The following MGAM variants were observed in gnomAD, a reference collection of about 807,000 sequenced individuals.
MGAM encodes maltase-glucoamylase.
Under a neutral mutation model 358.8 loss-of-function variants are expected in MGAM, and 253 were observed. The ratio of observed to expected loss-of-function variants is 0.71; its 90% CI spans 0.64 to 0.78. MGAM has a LOEUF of 0.78. Ranked by LOEUF, MGAM falls within the 30% of genes least tolerant of loss-of-function variation. The pLI is 0.00. For missense variants in MGAM, 3,080 were observed against 3,432.6 expected (o/e 0.90, Z 2.57); for synonymous variants, 1,105 against 1,227.1 (o/e 0.90, Z 2.08).
At chr7:142,103,094 T>C (rs1391860843) in intron 69 of MGAM, among the ~76,000 whole-genome samples, 175 bp from the exon 70 acceptor site, 1 of 152,152 alleles carries the variant, frequency 6.6e-6, no homozygotes, top group Non-Finnish European at 1.5e-5. Flanking sequence ...GCAAAGTGGA[T>C]GGGAGTTGGC....
intron 3 of MGAM, among the ~76,000 whole-genome samples, chr7:142,010,234 A>T (rs569802482): frequency 6.6e-6 from 1 of 152,170 alleles, no homozygotes; most frequent in African/African-American, 2.4e-5. Context: ...GGATCTTAGA[A>T]AAAAAGATCA....
rs539837534 is a variant in MGAM, at chr7:142,037,574, G to A, written c.2231+597G>A. ...ATATGAGGCCCTCAGGCACGTATCA[G>A]GCTATTATATATTCATTATTTTGGG... On this transcript the variant is annotated intron_variant, in intron 18 of 70. Transcript: ENST00000475668. 6.6e-5 allele frequency among the ~76,000 whole-genome samples: 10 copies of A among 152,194 alleles called. No individual in the cohort carries two copies. The South Asian group carries it at 2.1e-3, about 32-fold the overall frequency.
chr7:142,078,478 T>A lies in MGAM; in HGVS notation c.5646+8T>A. 5 of 1,539,094 alleles carry A rather than the reference T, an allele frequency of 3.2e-6. 1 individual carries two copies. The highest frequency in any genetic ancestry group is 4.5e-6 in the Non-Finnish European group (5 of 1,123,514). On this transcript the variant is annotated splice_region_variant and intron_variant, in intron 48 of 70. Transcript: ENST00000475668. ...CGTGGCTGTATCTGGGAGGTAACCA[T>A]GCTGATGGGGTTCATGTGCATGAAA...
chr7:142,010,113 G>A (rs1805488843), intron 3 of MGAM, among the ~76,000 whole-genome samples: 2 of 152,112 alleles, frequency 1.3e-5, no homozygotes, highest in South Asian at 2.1e-4. Flanking sequence ...AGTTATGAGA[G>A]GGAATCCTTT....
intron 49 of MGAM, among the ~76,000 whole-genome samples, chr7:142,080,140 C>T (rs1440764868): frequency 2.7e-5 from 4 of 146,648 alleles, no homozygotes; most frequent in Non-Finnish European, 6.2e-5. Context: ...TCCTGGGAGA[C>T]CATCTCAGTC....
At chr7:142,043,909 C>G (rs1468607251) in intron 21 of MGAM, among the ~76,000 whole-genome samples, 1 of 112,260 alleles carries the variant, frequency 8.9e-6, no homozygotes, top group Non-Finnish European at 1.8e-5. Flanking sequence ...TATACACATA[C>G]GACGTATAAT....
chr7:142,067,939 T>TATATATATATATATATATATAA (rs1812912636), intron 42 of MGAM, among the ~76,000 whole-genome samples: 3 of 36,164 alleles, frequency 8.3e-5, no homozygotes, highest in African/African-American at 2.5e-4. Flanking sequence ...CCCTCAAATA[T>TATATATATATATATATATATAA]ATATATATAT....
chr7:142,086,131 G>A, intron 55 of MGAM, 87 bp from the exon 56 acceptor site: 1 of 1,424,122 alleles, frequency 7.0e-7, no homozygotes, highest in Non-Finnish European at 9.6e-7. Context: ...AAGCCAACAA[G>A]TTCGCCCTGG....
At chr7:142,069,817 T>C (rs932727019) in intron 43 of MGAM, among the ~76,000 whole-genome samples, 2 of 145,340 alleles carry the variant, frequency 1.4e-5, no homozygotes, top group African/African-American at 4.9e-5. Flanking sequence ...AGTGTGCATG[T>C]TGAGTCTCCC....
chr7:142,066,317 T>C (rs939484635), intron 40 of MGAM, among the ~76,000 whole-genome samples: 3 of 146,064 alleles, frequency 2.1e-5, no homozygotes, highest in African/African-American at 7.3e-5. Flanking sequence ...TTTAGATTAT[T>C]ATTTTTTTCC....
intron 23 of MGAM, 105 bp from the exon 24 acceptor site, chr7:142,050,592 T>G: frequency 8.4e-7 from 1 of 1,184,774 alleles, no homozygotes; most frequent in Admixed American, 2.2e-5. Context: ...GAGAGGCATT[T>G]ATGGCAGTGG....
intron 45 of MGAM, 151 bp from the exon 46 acceptor site, chr7:142,076,052 G>T (rs1410758282): frequency 4.6e-6 from 3 of 657,122 alleles, no homozygotes; most frequent in Non-Finnish European, 8.0e-6. Context: ...ATACATTGAT[G>T]AATGAATACA....
intron 3 of MGAM, among the ~76,000 whole-genome samples, chr7:142,016,625 C>T (rs1450146584): frequency 2.0e-5 from 3 of 152,160 alleles, no homozygotes; most frequent in Non-Finnish European, 4.4e-5. Flanking sequence ...TGGAGTGCCA[C>T]TCTGTCACCC....
In MGAM at chr7:142,065,969, T is replaced by C. The variant is rs1423569460; in HGVS notation, c.4770+138T>C. On this transcript the variant is annotated intron_variant, in intron 40 of 70. Coordinates refer to ENST00000475668, the MANE Select transcript of MGAM (RefSeq NM_001365693.1). ...TTTTTTTTTGTTTTGTTTTGTTTTG[T>C]TTTTTTTTTTGAAACAGGGATTTAC... 11 of 516,330 alleles carry C rather than the reference T, an allele frequency of 2.1e-5. 1 individual carries two copies. The highest frequency in any genetic ancestry group is 3.2e-5 in the Non-Finnish European group (11 of 348,318). 32.0% of individuals were successfully genotyped at this position (516,330 alleles called of 1,614,324 possible).
At chr7:142,073,842 C>A (rs1813531737) in intron 44 of MGAM, among the ~76,000 whole-genome samples, 1 of 146,054 alleles carries the variant, frequency 6.8e-6, no homozygotes, top group Admixed American at 6.9e-5. Context: ...TGCAGTGCCT[C>A]TGGTGCTTAA....
At chr7:142,032,746 A>T in intron 13 of MGAM, 79 bp from the exon 14 acceptor site, 1 of 801,550 alleles carries the variant, frequency 1.2e-6, no homozygotes, top group Non-Finnish European at 2.0e-6. Flanking sequence ...TTATCTGATT[A>T]ATTAAAAAAA....
Position 142,062,603 on chromosome 7 carries a change from C to G in MGAM, c.4158C>G (p.Phe1386Leu), listed in dbSNP as rs1369437143. 6.2e-7 allele frequency: 1 copy of G among 1,609,766 alleles called. No homozygotes were observed. Reference sequence around the variant, plus strand: ...CTTATGTGGCCTTCCCAGACTTTTTCCGTAATTCAACTGCCAAGTGGTGGA... The same window carrying G: ...CTTATGTGGCCTTCCCAGACTTTTTGCGTAATTCAACTGCCAAGTGGTGGA... ...YRAYVAFPDF[F>L]RNSTAKWWKR... Residue 1386 changes from phenylalanine to leucine, a missense_variant, in exon 35 of 71, where the codon TTC becomes TTG. Coordinates refer to ENST00000475668, the MANE Select transcript of MGAM (RefSeq NM_001365693.1).
chr7:142,049,821 A>G (rs1195299566), intron 22 of MGAM, among the ~76,000 whole-genome samples: 1 of 152,220 alleles, frequency 6.6e-6, no homozygotes, highest in Non-Finnish European at 1.5e-5. Context: ...GATGTGGAGA[A>G]AATGGAATTT....
At position 142,063,523 on chromosome 7, in the gene MGAM, G is replaced by A. The variant is rs759302620; in HGVS notation, c.4282G>A (p.Val1428Met). 23 of 1,613,624 alleles carry A rather than the reference G, an allele frequency of 1.4e-5. No homozygotes were observed. The Admixed American group carries it at 1.7e-4, about 12-fold the overall frequency. The change falls in exon 36 of 71, where the codon GTG (valine) becomes ATG (methionine). Residue 1428 changes from valine to methionine, a missense_variant. Transcript: ENST00000475668. ...GGATATGAATGAACCATCAAGCTTC[G>A]TGAATGGGGCAGTTTCTCCAGGCTG... ...WIDMNEPSSF[V>M]NGAVSPGCRD...
Sources: allele counts gnomAD v4.1 joint callset (sites outside exome capture counted in the v4.1 genomes callset), GRCh38; gene constraint gnomAD v4.1.1; transcripts MANE v1.5; gene names NCBI Gene and HGNC (gene_info 2026-07-23, HGNC 2026-07-21).